Variants in PSG7 observed in about 807,000 individuals in gnomAD.
PSG7 encodes the protein pregnancy-specific beta-1-glycoprotein 7.
PSG7 carries 57 observed loss-of-function variants against 45.6 expected under a neutral mutation model. The ratio of observed to expected loss-of-function variants is 1.25; its 90% CI spans 1.01 to 1.56. PSG7 has a LOEUF of 1.56. PSG7 is among the 40% of genes most tolerant of loss of function. PSG7 has a pLI of 0.00. For synonymous variants in PSG7, 298 were observed against 194.4 expected, an observed-to-expected ratio of 1.53 and a Z score of -4.43; for missense variants, 796 against 508.4, an observed-to-expected ratio of 1.57 and a Z score of -5.44.
At chr19:42,926,273 A>G (rs370916865) in intron 4 of PSG7, 165 bp downstream of exon 4, 2 of 1,448,746 alleles carry the variant, frequency 1.4e-6, no homozygotes. Flanking sequence ...GGCTGTGCCT[A>G]CCCAGGTTTT....
At chr19:42,933,265 CAATATATA>C (rs1336571555) in intron 2 of PSG7, among the ~76,000 whole-genome samples, 17 of 30,376 alleles carry the variant, frequency 5.6e-4, no homozygotes, top group African/African-American at 8.1e-4. Flanking sequence ...ATCACCATTT[CAATATATA>C]TATATATATA....
At position 42,927,079 on chromosome 19, in the gene PSG7, T is replaced by A. The variant is rs1286496491; in HGVS notation, c.710-363A>T. ...CCTGGAATGTGCAACTGCTGGGCCC[T>A]TTCCAAATTGCATCCTACTTTGCCC... On this transcript the variant is annotated intron_variant, in intron 3 of 5. Coordinates refer to ENST00000406070, the MANE Select transcript of PSG7 (RefSeq NM_002783.3). The A allele has an allele frequency of 5.1e-5, 16 of 313,086 alleles. No homozygotes were observed. The Admixed American group carries it at 7.2e-4, about 14-fold the overall frequency. 19.4% of individuals were successfully genotyped at this position (313,086 alleles called of 1,614,324 possible). A position where few individuals can be genotyped will look rare whatever the true frequency, so the allele number is the denominator to read the frequency against.
chr19:42,925,284 G>T (rs1972855218), intron 5 of PSG7: 2 of 309,088 alleles, frequency 6.5e-6, no homozygotes, highest in South Asian at 4.1e-5. Flanking sequence ...TACTCTGTTT[G>T]TGCAAATATC....
rs1479779366 is a variant in PSG7 at position 42,926,528 on chromosome 19, C to T, written c.898G>A (p.Val300Ile). The change falls in exon 4 of 6, where the codon GTC becomes ATC. Residue 300 changes from valine (V) to isoleucine (I), a missense_variant. By Grantham distance (29) the Val-to-Ile change is conservative. Transcript: ENST00000406070. ...TAGGGTCCTGTTTCATTTCTCGTGACACTGGGTAGAATGAGGATCCTGTTT... is the reference window on the plus strand; with the variant it reads ...TAGGGTCCTGTTTCATTTCTCGTGATACTGGGTAGAATGAGGATCCTGTTT... ...IENRILILPS[V>I]TRNETGPYQC... 1.2e-6 allele frequency: 2 copies of T among 1,610,768 alleles called. No homozygotes were observed. Among genetic ancestry groups the T allele is most frequent in the African/African-American group, 2.7e-5 (2 of 74,570 alleles).
intron 2 of PSG7, among the ~76,000 whole-genome samples, chr19:42,930,146 A>T (rs1404462631): frequency 6.6e-6 from 1 of 151,602 alleles, no homozygotes; most frequent in African/African-American, 2.4e-5. Context: ...CTTTCCAAGG[A>T]CATCCTAGAG....
intron 2 of PSG7, among the ~76,000 whole-genome samples, chr19:42,932,166 G>C (rs1446239124): frequency 6.6e-6 from 1 of 151,256 alleles, no homozygotes; most frequent in Non-Finnish European, 1.5e-5. Flanking sequence ...TGGGACTACA[G>C]GTGCCCACCA....
At position 42,926,328 on chromosome 19, in the gene PSG7, T is replaced by C. The variant is rs138087846; in HGVS notation, c.988+110A>G. ...GCCAGCTCGGATGTCCAGAAGTAAA[T>C]ATGTCTATACTTGGACCGGAGAGAG... is the stretch of plus-strand genomic sequence containing the variant. On this transcript the variant is annotated intron_variant, in intron 4 of 5. Coordinates refer to ENST00000406070, the MANE Select transcript of PSG7 (RefSeq NM_002783.3). The C allele has an allele frequency of 6.6e-4, 1,016 of 1,550,346 alleles. 17 individuals are homozygous for C. Among genetic ancestry groups the C allele is most frequent in the Non-Finnish European group, 8.3e-4 (958 of 1,149,232 alleles).
intron 1 of PSG7, among the ~76,000 whole-genome samples, chr19:42,936,670 C>T (rs10409165): frequency 0.021 from 3,148 of 151,062 alleles, 157 homozygotes; most frequent in African/African-American, 0.072. Context: ...TCTTTTGGGA[C>T]GGAGTCTCAT....
rs374118688 is a variant in PSG7 at position 42,929,550 on chromosome 19, T to A, written c.601A>T (p.Thr201Ser). 1.2e-5 allele frequency: 20 copies of A among 1,612,406 alleles called. No homozygotes were observed. Among genetic ancestry groups the A allele is most frequent in the Non-Finnish European group, 1.6e-5 (19 of 1,179,234 alleles). The change falls in exon 3 of 6, where the codon ACC becomes TCC. Residue 201 changes from threonine to serine, a missense_variant. Physicochemically the swap from Thr to Ser is moderately conservative, Grantham distance 58. Transcript: ENST00000406070. The part of the protein sequence containing the change: ...HSLQLSETNR[T>S]LYLFGVTNYT... ...TTTGTGACACCAAATAGGTAGAGGGTCCTGTTGGTTTCAGACAGCTGCAAG... is the reference window on the plus strand; with the variant it reads ...TTTGTGACACCAAATAGGTAGAGGGACCTGTTGGTTTCAGACAGCTGCAAG...
intron 5 of PSG7, chr19:42,925,232 C>T (rs1972498246): frequency 6.6e-6 from 2 of 302,804 alleles, no homozygotes; most frequent in Admixed American, 4.9e-5. Context: ...GTAATATAAC[C>T]AATGATTTGA....
rs192463727 is a variant in PSG7 at position 42,925,706 on chromosome 19, C to T, written c.1243+67G>A. 37 of 1,608,002 alleles carry T rather than the reference C, an allele frequency of 2.3e-5. No individual in the cohort carries two copies. The African/African-American group carries it at 4.4e-4, about 19-fold the overall frequency. On this transcript the variant is annotated intron_variant, in intron 5 of 5. Coordinates refer to ENST00000406070, the MANE Select transcript of PSG7 (RefSeq NM_002783.3). ...GCTGGGAATACAAATGTTTTCCTGA[C>T]TTTTCTCTGAAAGTCAGATAGACTG...
At position 42,937,066 on chromosome 19, in the gene PSG7, A is replaced by G; in HGVS notation, c.11T>C (p.Leu4Pro). Residue 4 changes from leucine (L) to proline (P), a missense_variant, in exon 1 of 6, where the codon CTC (leucine) becomes CCC (proline). Transcript: ENST00000406070. ...ATGCTGTGTGCAGGGAGGGGCTGAG[A>G]GGGGCCCCATGGTCTCTGCTCCCTG... MGP[L>P]SAPPCTQHIT... is the part of the protein sequence containing the mutation. 2 of 1,611,118 alleles carry G rather than the reference A, an allele frequency of 1.2e-6. 1 individual carries two copies. Among genetic ancestry groups the G allele is most frequent in the Non-Finnish European group, 1.7e-6 (2 of 1,178,400 alleles).
Position 42,926,680 on chromosome 19 carries a change from A to C in PSG7, c.746T>G (p.Leu249Ter), listed in dbSNP as rs375599333. The change falls in exon 4 of 6, where the codon TTA (leucine) becomes TGA (stop). Residue 249 changes from leucine (L) to a stop codon, truncating the protein, a stop_gained. Transcript: ENST00000406070. LOFTEE classifies it high-confidence loss of function. ...GACATCCTTATTCTCCCTGGGGTTT[A>C]AGTTATTGATGGTGATGTAGGGCTT... ...LPKPYITINN[L>*]NPRENKDVST... The C allele has an allele frequency of 2.4e-5, 38 of 1,610,380 alleles. No homozygotes were observed. The Middle Eastern group carries it at 1.3e-3, about 54-fold the overall frequency.
At chr19:42,935,804 A>G (rs1417219887) in intron 1 of PSG7, 35 bp from the exon 2 acceptor site, 1 of 1,582,002 alleles carries the variant, frequency 6.3e-7, no homozygotes, top group South Asian at 1.2e-5. Context: ...CAATATTGAG[A>G]CCTATGTGTT....
intron 3 of PSG7, 127 bp from the exon 4 acceptor site, chr19:42,926,843 G>T: frequency 6.8e-7 from 1 of 1,474,328 alleles, no homozygotes. Context: ...AATAGCTGGT[G>T]TGTGTGTCAC....
intron 1 of PSG7, chr19:42,936,528 G>A (rs1973155719): frequency 1.2e-5 from 2 of 162,896 alleles, no homozygotes; most frequent in Admixed American, 5.9e-5. Flanking sequence ...GAACACTTAA[G>A]ATTTTCCTAC....
intron 2 of PSG7, among the ~76,000 whole-genome samples, chr19:42,934,651 C>T (rs1393225373): frequency 1.3e-5 from 2 of 151,710 alleles, no homozygotes; most frequent in African/African-American, 4.8e-5. Context: ...CATGAGAAAG[C>T]ACCTTTACGT....
rs1972886474 is a variant in PSG7 at position 42,926,294 on chromosome 19, G to A, written c.988+144C>T. ...GCCTACCCAGGTTTTCCCAGGGCAG[G>A]GAGTCATGGCCAGCTCGGATGTCCA... On this transcript the variant is annotated intron_variant, in intron 4 of 5. Coordinates refer to ENST00000406070, the MANE Select transcript of PSG7 (RefSeq NM_002783.3). 12 of 1,499,928 alleles carry A rather than the reference G, an allele frequency of 8.0e-6. No homozygotes were observed. The East Asian group carries it at 2.5e-4, about 32-fold the overall frequency. The allele number at this position is 1,499,928 out of a possible 1,614,324, so 92.9% of individuals were successfully genotyped here. A position where few individuals can be genotyped will look rare whatever the true frequency, so the allele number is the denominator to read the frequency against.
At chr19:42,936,794 C>T (rs1237380736) in intron 1 of PSG7, among the ~76,000 whole-genome samples, 1 of 151,396 alleles carries the variant, frequency 6.6e-6, no homozygotes, top group Non-Finnish European at 1.5e-5. Flanking sequence ...ATTACAGGAG[C>T]ACACCACCAT....
Sources: gnomAD v4.1 joint callset for allele counts (sites outside exome capture counted in the v4.1 genomes callset) on GRCh38, gnomAD v4.1.1 for gene constraint, MANE v1.5 for transcripts, NCBI Gene and HGNC (gene_info 2026-07-23, HGNC 2026-07-21) for gene names.